Variants in CDK14 observed in about 807,000 individuals in gnomAD.
The protein encoded by CDK14 is cyclin-dependent kinase 14.
A neutral mutation model predicts 60.7 loss-of-function variants in CDK14; 34 were observed. That is an observed-to-expected ratio of 0.56 (90% CI 0.43 to 0.75). CDK14 has a LOEUF of 0.75. Among genes scored for constraint, CDK14 ranks in the 30% least tolerant of loss-of-function variants. The probability of loss-of-function intolerance (pLI) is 0.00; values close to 1 mark genes in which losing one functional copy is unlikely to be tolerated. For missense variants in CDK14, 482 were observed against 564.1 expected (o/e 0.85, Z 1.47); for synonymous variants, 197 against 203.7 (o/e 0.97, Z 0.28).
At chr7:90,833,723 C>T (rs1345461877) in intron 5 of CDK14, among the ~76,000 whole-genome samples, 1 of 152,140 alleles carries the variant, frequency 6.6e-6, no homozygotes, top group Non-Finnish European at 1.5e-5. Flanking sequence ...AGTATGGCTT[C>T]AAAAATGTAT....
intron 5 of CDK14, among the ~76,000 whole-genome samples, chr7:90,809,092 A>G (rs1461410776): frequency 6.6e-6 from 1 of 151,936 alleles, no homozygotes; most frequent in Non-Finnish European, 1.5e-5. Context: ...GATATCCAGG[A>G]ACTGAACTCA....
rs577053945 is a variant in CDK14 at position 90,905,113 on chromosome 7, C to G, written c.702+5760C>G. ...AAGAGAAGACAAAGAAACCAGGTAA[C>G]AAAATCCACTACTGGAGAGAGGTGA... On this transcript the variant is annotated intron_variant, in intron 7 of 14. Coordinates refer to ENST00000380050, the MANE Select transcript of CDK14 (RefSeq NM_001287135.2). Among the ~76,000 whole-genome samples the G allele has an allele frequency of 5.3e-5, 8 of 152,228 alleles. No individual in the cohort carries two copies. The South Asian group carries it at 1.5e-3, about 28-fold the overall frequency.
At chr7:90,642,963 A>T (rs1357993470) in intron 2 of CDK14, among the ~76,000 whole-genome samples, 1 of 152,210 alleles carries the variant, frequency 6.6e-6, no homozygotes, top group Non-Finnish European at 1.5e-5. Context: ...GAGACTGGAG[A>T]TGCAAAGTGA....
At chr7:90,757,246 G>GTGTT (rs1161915255) in intron 4 of CDK14, among the ~76,000 whole-genome samples, 1 of 137,226 alleles carries the variant, frequency 7.3e-6, no homozygotes, top group African/African-American at 2.7e-5. Flanking sequence ...GTGTGTGTGT[G>GTGTT]TGTGTCTGTG....
At chr7:90,949,912 C>T (rs534170859) in intron 8 of CDK14, among the ~76,000 whole-genome samples, 6 of 152,242 alleles carry the variant, frequency 3.9e-5, no homozygotes, top group African/African-American at 9.6e-5. Context: ...GTCCTCAGGG[C>T]GCCCAATTTT....
intron 14 of CDK14, among the ~76,000 whole-genome samples, chr7:91,187,463 G>C (rs1387007374): frequency 1.3e-5 from 2 of 152,126 alleles, no homozygotes. Flanking sequence ...AAGAATTGTA[G>C]TAATTTTCAG....
chr7:90,659,908 C>T (rs116417822), intron 2 of CDK14, among the ~76,000 whole-genome samples: 2,358 of 146,290 alleles, frequency 0.016, 91 homozygotes, highest in African/African-American at 0.054. Context: ...TGTGCACGCA[C>T]GTGCTCATGG....
chr7:90,708,733 A>G (rs1177174956), intron 2 of CDK14, among the ~76,000 whole-genome samples: 2 of 152,208 alleles, frequency 1.3e-5, no homozygotes, highest in Non-Finnish European at 2.9e-5. Flanking sequence ...TCGACCACTT[A>G]TCATTGACAC....
At chr7:91,076,463 C>T (rs1798322724) in intron 11 of CDK14, among the ~76,000 whole-genome samples, 1 of 151,964 alleles carries the variant, frequency 6.6e-6, no homozygotes. Flanking sequence ...AAAACTGAAA[C>T]TGGACCCCTT....
intron 12 of CDK14, among the ~76,000 whole-genome samples, chr7:91,102,239 C>G (rs1467210233): frequency 6.6e-6 from 1 of 152,176 alleles, no homozygotes; most frequent in South Asian, 2.1e-4. Context: ...CTCTGCATCA[C>G]TCACTCCAGG....
At chr7:91,057,559 A>G (rs1797620117) in intron 11 of CDK14, among the ~76,000 whole-genome samples, 1 of 152,172 alleles carries the variant, frequency 6.6e-6, no homozygotes, top group Admixed American at 6.5e-5. Flanking sequence ...TAAGTCTTTA[A>G]TCCATCTTGA....
chr7:91,081,148 G>A (rs1484242036), intron 12 of CDK14, among the ~76,000 whole-genome samples: 1 of 152,140 alleles, frequency 6.6e-6, no homozygotes, highest in Non-Finnish European at 1.5e-5. Flanking sequence ...AATCTTTAGA[G>A]CCAAGCTGTA....
At chr7:90,949,887 A>G (rs986801562) in intron 8 of CDK14, among the ~76,000 whole-genome samples, 1 of 152,182 alleles carries the variant, frequency 6.6e-6, no homozygotes, top group African/African-American at 2.4e-5. Flanking sequence ...ACAAACAAAC[A>G]AAAAACATAG....
At position 90,784,399 on chromosome 7, in the gene CDK14, G is replaced by T. The variant is rs532597933; in HGVS notation, c.465-6174G>T. 8.5e-5 allele frequency among the ~76,000 whole-genome samples: 13 copies of T among 152,304 alleles called. No individual in the cohort carries two copies. The South Asian group carries it at 2.5e-3, about 29-fold the overall frequency. On this transcript the variant is annotated intron_variant, in intron 4 of 14. Transcript: ENST00000380050. ...ATAATTTATTGCATATTTCAAAATA[G>T]CTGGAGGAGTGGATATGGAAAGTTC...
At chr7:90,863,812 A>G (rs1168609304) in intron 6 of CDK14, among the ~76,000 whole-genome samples, 1 of 152,060 alleles carries the variant, frequency 6.6e-6, no homozygotes, top group Non-Finnish European at 1.5e-5. Context: ...CAATGTAATG[A>G]TCTTCTTATG....
intron 9 of CDK14, among the ~76,000 whole-genome samples, chr7:90,967,399 A>C (rs1794784483): frequency 6.6e-6 from 1 of 152,144 alleles, no homozygotes; most frequent in Admixed American, 6.6e-5. Context: ...ATGAACATTG[A>C]CTACTAAGGG....
intron 14 of CDK14, among the ~76,000 whole-genome samples, chr7:91,145,201 T>G (rs1056798932): frequency 6.6e-6 from 1 of 152,224 alleles, no homozygotes; most frequent in Non-Finnish European, 1.5e-5. Flanking sequence ...CTATTGATAT[T>G]GATAACCAAT....
chr7:90,999,862 T>C (rs1404568095), intron 10 of CDK14, among the ~76,000 whole-genome samples: 3 of 152,178 alleles, frequency 2.0e-5, no homozygotes, highest in Admixed American at 6.5e-5. Context: ...TGTTCAAACA[T>C]AGGTATTTTG....
chr7:90,620,334 C>T (rs990808095), intron 2 of CDK14, among the ~76,000 whole-genome samples: 12 of 152,080 alleles, frequency 7.9e-5, no homozygotes, highest in Admixed American at 4.6e-4. Context: ...TTTGGTGGAT[C>T]GATTGATTGG....
Sources: allele counts gnomAD v4.1 joint callset (sites outside exome capture counted in the v4.1 genomes callset), GRCh38; gene constraint gnomAD v4.1.1; transcripts MANE v1.5; gene names NCBI Gene and HGNC (gene_info 2026-07-23, HGNC 2026-07-21).